The following PIEZO2 variants were observed in gnomAD, a reference collection of about 807,000 sequenced individuals.
PIEZO2 encodes the protein piezo type mechanosensitive ion channel component 2.
PIEZO2 carries 172 observed loss-of-function variants against 337.3 expected under a neutral mutation model. That is an observed-to-expected ratio of 0.51 (90% CI 0.45 to 0.58). PIEZO2 has a LOEUF of 0.58. Ranked by LOEUF, PIEZO2 falls within the 20% of genes least tolerant of loss-of-function variation. PIEZO2 has a pLI of 0.00. For missense variants in PIEZO2, 3,028 were observed against 3,391.3 expected (o/e 0.89, Z 2.66); for synonymous variants, 1,251 against 1,228.5 (o/e 1.02, Z -0.38).
chr18:10,731,392 C>A lies in PIEZO2; in HGVS notation c.5029+15G>T. The stretch of plus-strand genomic sequence containing the variant: ...ACCTGCCACACCCACCACAGCCACC[C>A]CACCCACCACTCACCCTCCTTGGAT... On this transcript the variant is annotated intron_variant, in intron 36 of 55. Coordinates refer to ENST00000674853, the MANE Select transcript of PIEZO2 (RefSeq NM_001378183.1). The A allele has an allele frequency of 6.6e-7, 1 of 1,518,732 alleles. No individual in the cohort carries two copies. The allele number at this position is 1,518,732 out of a possible 1,614,324, so 94.1% of individuals were successfully genotyped here. A position where few individuals can be genotyped will look rare whatever the true frequency, so the allele number is the denominator to read the frequency against.
intron 3 of PIEZO2, among the ~76,000 whole-genome samples, chr18:10,971,698 T>C (rs1333201828): frequency 2.0e-5 from 3 of 152,176 alleles, no homozygotes; most frequent in Non-Finnish European, 4.4e-5. Flanking sequence ...TATATTAGAT[T>C]AACTATCCTC....
chr18:10,786,272 G>T (rs973352737), intron 16 of PIEZO2, among the ~76,000 whole-genome samples: 1 of 152,196 alleles, frequency 6.6e-6, no homozygotes, highest in African/African-American at 2.4e-5. Flanking sequence ...TGTCTCCTCT[G>T]CTAGAATATA....
At chr18:10,679,467 T>G (rs1259585450) in intron 52 of PIEZO2, among the ~76,000 whole-genome samples, 1 of 152,216 alleles carries the variant, frequency 6.6e-6, no homozygotes, top group Admixed American at 6.5e-5. Flanking sequence ...AGGATATTGA[T>G]TTTTTTGGAG....
At chr18:10,989,062 C>T (rs1894983205) in intron 2 of PIEZO2, among the ~76,000 whole-genome samples, 1 of 151,870 alleles carries the variant, frequency 6.6e-6, no homozygotes. Context: ...CTTAAAATTG[C>T]TACAAGGGAA....
At chr18:10,796,612 AT>A (rs1244386200) in intron 12 of PIEZO2, among the ~76,000 whole-genome samples, 1 of 152,252 alleles carries the variant, frequency 6.6e-6, no homozygotes, top group Admixed American at 6.5e-5. Context: ...GATAAATAGA[AT>A]TGAAAAGGAC....
At chr18:10,957,902 C>G (rs2033610609) in intron 3 of PIEZO2, among the ~76,000 whole-genome samples, 1 of 152,136 alleles carries the variant, frequency 6.6e-6, no homozygotes, top group African/African-American at 2.4e-5. Flanking sequence ...CCAACAGATA[C>G]ATGAAAAACT....
In PIEZO2 at chr18:10,773,689, G is replaced by T. The variant is rs1010034442; in HGVS notation, c.2568-60C>A. ...AGGGTGTTGGGAGAGATTTGACTGA[G>T]GGGCAAGTAAAAGGAGGATAAACAC... On this transcript the variant is annotated intron_variant, in intron 19 of 55. Coordinates refer to ENST00000674853, the MANE Select transcript of PIEZO2 (RefSeq NM_001378183.1). This position sits in a 1 kb window ranked among gnomAD's most constrained non-coding sequence, Gnocchi z 5.3. 6.9e-7 allele frequency: 1 copy of T among 1,458,686 alleles called. No homozygotes were observed. The highest frequency in any genetic ancestry group is 9.3e-7 in the Non-Finnish European group (1 of 1,077,042). 90.4% of individuals were successfully genotyped at this position (1,458,686 alleles called of 1,614,324 possible). A position where few individuals can be genotyped will look rare whatever the true frequency, so the allele number is the denominator to read the frequency against.
chr18:10,773,359 C>T lies in PIEZO2; in HGVS notation c.2785+53G>A, dbSNP rs1217436812. On this transcript the variant is annotated intron_variant, in intron 20 of 55. Coordinates refer to ENST00000674853, the MANE Select transcript of PIEZO2 (RefSeq NM_001378183.1). This position sits in a 1 kb window ranked among gnomAD's most constrained non-coding sequence, Gnocchi z 5.3. ...TTGGAGCAAGTCAATGTTTCCTTCA[C>T]TCAGTCTGACAGCCAGCGTTCTCTG... 7 of 1,490,326 alleles carry T rather than the reference C, an allele frequency of 4.7e-6. No homozygotes were observed. In the East Asian group the frequency reaches 1.7e-4, roughly 37 times the overall value. The allele number at this position is 1,490,326 out of a possible 1,614,324, so 92.3% of individuals were successfully genotyped here.
chr18:11,071,141 T>C (rs187015977), intron 1 of PIEZO2, among the ~76,000 whole-genome samples: 62 of 152,306 alleles, frequency 4.1e-4, no homozygotes, highest in African/African-American at 1.4e-3. Flanking sequence ...AAAGGAGTCA[T>C]GCACATATTT....
At chr18:10,808,878 C>A (rs978029667) in intron 7 of PIEZO2, among the ~76,000 whole-genome samples, 3 of 152,352 alleles carry the variant, frequency 2.0e-5, no homozygotes, top group Admixed American at 6.5e-5. Context: ...GACAGCTCTT[C>A]CAGCCGCTGA....
rs1012735930 is a variant in PIEZO2 at position 10,766,103 on chromosome 18, T to C, written c.2947-3005A>G. ...TATGATACTTCATTCCATACAAATA[T>C]CAAGCCCAGTGCAAACCTCAGTGCG... On this transcript the variant is annotated intron_variant, in intron 21 of 55. Coordinates refer to ENST00000674853, the MANE Select transcript of PIEZO2 (RefSeq NM_001378183.1). The surrounding 1 kb of genome is among the most constrained non-coding windows in gnomAD (Gnocchi z 6.1). Among the ~76,000 whole-genome samples, 4 of 152,078 alleles carry C rather than the reference T, an allele frequency of 2.6e-5. No individual in the cohort carries two copies. Among genetic ancestry groups the C allele is most frequent in the African/African-American group, 9.7e-5 (4 of 41,402 alleles).
intron 1 of PIEZO2, among the ~76,000 whole-genome samples, chr18:11,088,660 G>A (rs1278291812): frequency 6.6e-6 from 1 of 152,200 alleles, no homozygotes; most frequent in African/African-American, 2.4e-5. Context: ...GGGTGATATT[G>A]ATTGGTGTAG....
At chr18:11,019,577 G>A (rs987692440) in intron 2 of PIEZO2, among the ~76,000 whole-genome samples, 2 of 152,114 alleles carry the variant, frequency 1.3e-5, no homozygotes, top group African/African-American at 4.8e-5. Flanking sequence ...ACTCCTGCAC[G>A]GAAGACAGTT....
At chr18:10,842,196 T>C (rs2041218717) in intron 7 of PIEZO2, among the ~76,000 whole-genome samples, 1 of 152,204 alleles carries the variant, frequency 6.6e-6, no homozygotes. Flanking sequence ...ATTTTTGTTT[T>C]TTATTTTTTT....
At chr18:11,124,960 T>C (rs973404049) in intron 1 of PIEZO2, among the ~76,000 whole-genome samples, 3 of 152,196 alleles carry the variant, frequency 2.0e-5, no homozygotes, top group African/African-American at 7.2e-5. Flanking sequence ...CCTGAATGTA[T>C]ACTAGACTCA....
intron 7 of PIEZO2, among the ~76,000 whole-genome samples, chr18:10,817,460 G>T (rs1367740189): frequency 6.6e-6 from 1 of 152,078 alleles, no homozygotes; most frequent in Non-Finnish European, 1.5e-5. Flanking sequence ...TATAGGAAAA[G>T]GCAGAGTGTA....
At chr18:11,029,481 G>T (rs1157029880) in intron 2 of PIEZO2, among the ~76,000 whole-genome samples, 1 of 152,088 alleles carries the variant, frequency 6.6e-6, no homozygotes, top group Non-Finnish European at 1.5e-5. Context: ...GACCCCTTAG[G>T]CGGCTCCCTC....
intron 32 of PIEZO2, among the ~76,000 whole-genome samples, chr18:10,742,121 C>T (rs959383309): frequency 5.9e-5 from 9 of 152,160 alleles, no homozygotes; most frequent in Non-Finnish European, 1.3e-4. Context: ...CGCCACTGCA[C>T]TCCAGCCTGG....
Position 10,847,941 on chromosome 18 carries a change from G to A in PIEZO2, c.917+7412C>T, listed in dbSNP as rs1002244385. On this transcript the variant is annotated intron_variant, in intron 7 of 55. Transcript: ENST00000674853. This position sits in a 1 kb window ranked among gnomAD's most constrained non-coding sequence, Gnocchi z 5.7. ...TTGCATTCCTTAGCATTATAATAAC[G>A]TGCTTTACATTTGTTTTTCTCCACA... 6.6e-6 allele frequency among the ~76,000 whole-genome samples: 1 copy of A among 152,128 alleles called. No homozygotes were observed. The highest frequency in any genetic ancestry group is 1.5e-5 in the Non-Finnish European group (1 of 68,036).
Sources: gnomAD v4.1 joint callset for allele counts (sites outside exome capture counted in the v4.1 genomes callset) on GRCh38, gnomAD v4.1.1 for gene constraint, Gnocchi (gnomAD v3.1) non-coding constraint, MANE v1.5 for transcripts, NCBI Gene and HGNC (gene_info 2026-07-23, HGNC 2026-07-21) for gene names.